OTUD7A: variants seen among roughly 807,000 people sequenced by gnomAD.
OTUD7A encodes the protein OTU deubiquitinase 7A, also known as OTU domain-containing protein 7A.
A neutral mutation model predicts 65.7 loss-of-function variants in OTUD7A; 12 were observed. The ratio of observed to expected loss-of-function variants is 0.18; its 90% CI spans 0.12 to 0.30. The LOEUF (loss-of-function observed/expected upper bound fraction) is 0.30. Ranked by LOEUF, OTUD7A falls within the 10% of genes least tolerant of loss-of-function variation. The pLI is 1.00. For synonymous variants in OTUD7A, 641 were observed against 586.3 expected, an observed-to-expected ratio of 1.09 and a Z score of -1.35; for missense variants, 1,148 against 1,304.8, an observed-to-expected ratio of 0.88 and a Z score of 1.85.
At chr15:31,797,646 C>T (rs1362069093) in intron 1 of OTUD7A, among the ~76,000 whole-genome samples, 6 of 152,226 alleles carry the variant, frequency 3.9e-5, no homozygotes, top group Non-Finnish European at 7.3e-5. Flanking sequence ...ATGCTTTGTA[C>T]TCCAAAGGGA....
chr15:31,852,927 C>G (rs1273134517), intron 1 of OTUD7A, among the ~76,000 whole-genome samples: 1 of 152,162 alleles, frequency 6.6e-6, no homozygotes, highest in Admixed American at 6.5e-5. Context: ...GGTGGTCACT[C>G]CAAGGCCACC....
chr15:31,802,139 GTGTA>G (rs1021610515), intron 1 of OTUD7A, among the ~76,000 whole-genome samples: 6 of 135,234 alleles, frequency 4.4e-5, no homozygotes, highest in African/African-American at 1.6e-4. Context: ...GTGTGTGTGT[GTGTA>G]TATATATATA....
In OTUD7A at chr15:31,834,000, G is replaced by A. The variant is rs549858719; in HGVS notation, c.-100+36507C>T. 3.3e-5 allele frequency among the ~76,000 whole-genome samples: 5 copies of A among 152,320 alleles called. No homozygotes were observed. In the East Asian group the frequency reaches 9.7e-4, roughly 29 times the overall value. ...TAATGAAACAGGGAGGCCGTGGAGGGCCTTCAGTTTAGCTGCTGTAAAGCT... is the reference window on the plus strand; with the variant it reads ...TAATGAAACAGGGAGGCCGTGGAGGACCTTCAGTTTAGCTGCTGTAAAGCT... On this transcript the variant is annotated intron_variant, in intron 1 of 12. Transcript: ENST00000307050.
At position 31,709,961 on chromosome 15, in the gene OTUD7A, A is replaced by G. The variant is rs1254265358; in HGVS notation, c.-99-52884T>C. 1.1e-4 allele frequency among the ~76,000 whole-genome samples: 16 copies of G among 150,574 alleles called. No individual in the cohort carries two copies. In the East Asian group the frequency reaches 3.2e-3, roughly 30 times the overall value. ...TTTGTTAAGACAAAACAAACAAAACAAAATAAAACCCTATAAATAGTCATG... is the reference window on the plus strand; with the variant it reads ...TTTGTTAAGACAAAACAAACAAAACGAAATAAAACCCTATAAATAGTCATG... On this transcript the variant is annotated intron_variant, in intron 1 of 12. Coordinates refer to ENST00000307050, the MANE Select transcript of OTUD7A (RefSeq NM_001382637.1).
intron 3 of OTUD7A, among the ~76,000 whole-genome samples, chr15:31,614,813 C>T (rs192036470): frequency 9.2e-5 from 14 of 152,052 alleles, no homozygotes; most frequent in African/African-American, 2.7e-4. Flanking sequence ...CGTTGCCCTA[C>T]GGAATTTGAA....
chr15:31,713,779 C>A (rs2141340312), intron 1 of OTUD7A, among the ~76,000 whole-genome samples: 1 of 151,838 alleles, frequency 6.6e-6, no homozygotes, highest in Admixed American at 6.6e-5. Context: ...TGAATAAACA[C>A]TTCAGAAGTT....
chr15:31,831,485 C>T (rs906963394), intron 1 of OTUD7A, among the ~76,000 whole-genome samples: 1 of 152,134 alleles, frequency 6.6e-6, no homozygotes, highest in African/African-American at 2.4e-5. Context: ...GCGATGAAAC[C>T]CACTACTCAC....
chr15:31,764,568 T>C (rs1038919943), intron 1 of OTUD7A, among the ~76,000 whole-genome samples: 1 of 152,172 alleles, frequency 6.6e-6, no homozygotes, highest in African/African-American at 2.4e-5. Flanking sequence ...ATGAGAGTCA[T>C]TTATACTTGG....
chr15:31,745,694 A>T (rs1315545598), intron 1 of OTUD7A, among the ~76,000 whole-genome samples: 1 of 152,208 alleles, frequency 6.6e-6, no homozygotes, highest in African/African-American at 2.4e-5. Context: ...GTTAGACTTT[A>T]TCAAAACATA....
At chr15:31,653,870 A>G (rs1165798447) in intron 3 of OTUD7A, among the ~76,000 whole-genome samples, 1 of 151,194 alleles carries the variant, frequency 6.6e-6, no homozygotes, top group African/African-American at 2.4e-5. Context: ...GGCCACCACA[A>G]GCATGGTCTT....
intron 1 of OTUD7A, among the ~76,000 whole-genome samples, chr15:31,793,542 T>C (rs938807771): frequency 6.6e-6 from 1 of 152,224 alleles, no homozygotes. Context: ...AAAATACATG[T>C]TTCCTTCTCA....
At chr15:31,625,985 CA>C (rs35053332) in intron 3 of OTUD7A, among the ~76,000 whole-genome samples, 2 of 147,842 alleles carry the variant, frequency 1.4e-5, no homozygotes, top group Non-Finnish European at 3.0e-5. Flanking sequence ...TCTAGGAATG[CA>C]AAAAAAAATT....
intron 1 of OTUD7A, among the ~76,000 whole-genome samples, chr15:31,825,797 T>C (rs995686096): frequency 2.6e-5 from 4 of 152,194 alleles, no homozygotes; most frequent in African/African-American, 9.6e-5. Context: ...GGGTAAATAC[T>C]ACTGTTCCAA....
chr15:31,787,558 A>G (rs1200585626), intron 1 of OTUD7A: 1 of 152,204 alleles, frequency 6.6e-6, no homozygotes, highest in Non-Finnish European at 1.5e-5. Context: ...TAGTGTGGGA[A>G]GGCCTTCAGT....
At chr15:31,567,769 C>T (rs1379892540) in intron 4 of OTUD7A, among the ~76,000 whole-genome samples, 1 of 152,242 alleles carries the variant, frequency 6.6e-6, no homozygotes, top group East Asian at 1.9e-4. Flanking sequence ...TGGGACACTG[C>T]TCCCCACATC....
intron 1 of OTUD7A, among the ~76,000 whole-genome samples, chr15:31,804,098 G>T (rs544136841): frequency 6.6e-6 from 1 of 152,286 alleles, no homozygotes; most frequent in South Asian, 2.1e-4. Flanking sequence ...TCATTACACA[G>T]TCCTCAGCCT....
chr15:31,653,438 G>C (rs1891899681), intron 3 of OTUD7A, among the ~76,000 whole-genome samples: 2 of 151,898 alleles, frequency 1.3e-5, no homozygotes, highest in South Asian at 4.2e-4. Context: ...CAACAAAAAG[G>C]AACCGGCTAC....
At chr15:31,631,403 G>A (rs917545714) in intron 3 of OTUD7A, among the ~76,000 whole-genome samples, 1 of 152,192 alleles carries the variant, frequency 6.6e-6, no homozygotes, top group Non-Finnish European at 1.5e-5. Flanking sequence ...CTTTAAGAAT[G>A]TTGAATATTG....
At chr15:31,788,579 C>T (rs1895734493) in intron 1 of OTUD7A, among the ~76,000 whole-genome samples, 1 of 152,192 alleles carries the variant, frequency 6.6e-6, no homozygotes, top group Non-Finnish European at 1.5e-5. Flanking sequence ...ATGCCCTAAC[C>T]GTCAAGTAGC....
Sources: gnomAD v4.1 joint callset for allele counts (sites outside exome capture counted in the v4.1 genomes callset) on GRCh38, gnomAD v4.1.1 for gene constraint, MANE v1.5 for transcripts, NCBI Gene and HGNC (gene_info 2026-07-23, HGNC 2026-07-21) for gene names.